Variants in EIF3A observed in about 807,000 individuals in gnomAD.
EIF3A encodes eukaryotic translation initiation factor 3 subunit A.
Under a neutral mutation model 186.6 loss-of-function variants are expected in EIF3A, and 21 were observed. That is an observed-to-expected ratio of 0.11 (90% CI 0.08 to 0.16). EIF3A has a LOEUF of 0.16. Ranked by LOEUF, EIF3A falls within the 10% of genes least tolerant of loss-of-function variation. The pLI is 1.00. For missense variants in EIF3A, 1,306 were observed against 1,796.3 expected (o/e 0.73, Z 4.93); for synonymous variants, 563 against 584.3 (o/e 0.96, Z 0.52).
intron 11 of EIF3A, 149 bp from the exon 12 acceptor site, chr10:119,058,452 T>C (rs1389519360): frequency 1.5e-6 from 1 of 653,368 alleles, no homozygotes; most frequent in African/African-American, 1.8e-5. Flanking sequence ...GCTGTTTGTT[T>C]TCGGTATTAA....
At chr10:119,055,849 C>T (rs1463371773) in intron 14 of EIF3A, among the ~76,000 whole-genome samples, 1 of 152,170 alleles carries the variant, frequency 6.6e-6, no homozygotes, top group African/African-American at 2.4e-5. Flanking sequence ...TGATATATGG[C>T]TATTTCTTTT....
intron 1 of EIF3A, among the ~76,000 whole-genome samples, chr10:119,077,662 C>G (rs1378990617): frequency 6.6e-6 from 1 of 151,442 alleles, no homozygotes; most frequent in Non-Finnish European, 1.5e-5. Context: ...TCATGCCATT[C>G]TCCTGCCTCA....
chr10:119,078,086 G>C (rs1844205453), intron 1 of EIF3A, among the ~76,000 whole-genome samples: 1 of 152,098 alleles, frequency 6.6e-6, no homozygotes, highest in Non-Finnish European at 1.5e-5. Context: ...CTTGATGTTT[G>C]CTAGTTTATT....
rs1233000613 is a variant in EIF3A at position 119,036,063 on chromosome 10, A to G, written c.4125T>C (p.Asp1375=). 8.1e-6 allele frequency: 13 copies of G among 1,613,998 alleles called. No homozygotes were observed. The highest frequency in any genetic ancestry group is 1.1e-5 in the Non-Finnish European group (13 of 1,179,838). Residue 1375 remains aspartate (D), a synonymous_variant, in exon 22 of 22, where the codon GAT becomes GAC. Transcript: ENST00000369144. ...CTTAACGTCGTACTGTGGTCCATCC[A>G]TCTTCATCAGTCTCATTTTTAGTAC... is the stretch of plus-strand genomic sequence containing the variant. ...LRRTKNETDE[D]GWTTVRR is the part of the protein sequence containing the mutation.
intron 8 of EIF3A, 25 bp downstream of exon 8, chr10:119,061,199 C>A: frequency 7.4e-7 from 1 of 1,351,732 alleles, no homozygotes; most frequent in Non-Finnish European, 1.0e-6. Flanking sequence ...GTGGTAACAA[C>A]CAGAACTTAA....
At chr10:119,075,879 ATTTTT>A (rs58100835) in intron 1 of EIF3A, among the ~76,000 whole-genome samples, 3 of 94,072 alleles carry the variant, frequency 3.2e-5, no homozygotes, top group Non-Finnish European at 6.0e-5. Context: ...CGCCTGGCTA[ATTTTT>A]TTTTTTTTTT....
intron 19 of EIF3A, among the ~76,000 whole-genome samples, chr10:119,038,646 G>T (rs576111000): frequency 9.2e-5 from 14 of 152,196 alleles, no homozygotes; most frequent in African/African-American, 3.4e-4. Context: ...AAAATGGGCC[G>T]GGCATGGTGG....
rs1224384623 is a variant in EIF3A at position 119,059,371 on chromosome 10, G to A, written c.1470C>T (p.Thr490=). The change falls in exon 11 of 22, where the codon ACC becomes ACT. Residue 490 remains threonine (T), a synonymous_variant. Coordinates refer to ENST00000369144, the MANE Select transcript of EIF3A (RefSeq NM_003750.4). ...AATTCAAATCAGATCCAAAACTCAGGGTCCGAGAAGTGTGATCAATACGAA... is the reference window on the plus strand; with the variant it reads ...AATTCAAATCAGATCCAAAACTCAGAGTCCGAGAAGTGTGATCAATACGAA... ...LQVRIDHTSR[T]LSFGSDLNYA... 6.2e-7 allele frequency: 1 copy of A among 1,600,570 alleles called. No individual in the cohort carries two copies.
intron 19 of EIF3A, among the ~76,000 whole-genome samples, chr10:119,041,676 G>A (rs1848210666): frequency 6.6e-6 from 1 of 152,186 alleles, no homozygotes; most frequent in Admixed American, 6.5e-5. Context: ...TTAAAAGGAG[G>A]CTGGTTCCCA....
chr10:119,045,293 TAAC>T (rs1848268674), intron 17 of EIF3A, among the ~76,000 whole-genome samples: 1 of 152,040 alleles, frequency 6.6e-6, no homozygotes, highest in Admixed American at 6.6e-5. Flanking sequence ...AACTCTAAAA[TAAC>T]AACTAGAGAT....
In EIF3A at chr10:119,034,576, T is replaced by C. The variant is rs1198884812; in HGVS notation, c.*1463A>G. 6.6e-6 allele frequency: 1 copy of C among 152,206 alleles called. No individual in the cohort carries two copies. The allele number at this position is 152,206 out of a possible 1,614,324, so 9.4% of individuals were successfully genotyped here. On this transcript the variant is annotated 3_prime_UTR_variant, in exon 22 of 22. Coordinates refer to ENST00000369144, the MANE Select transcript of EIF3A (RefSeq NM_003750.4). The stretch of plus-strand genomic sequence containing the variant: ...ACTAAGGTGTTTAAAATGATTTCTA[T>C]CATTGGTAACATCAAACAAAAATAG...
chr10:119,070,826 G>C, intron 5 of EIF3A, 60 bp downstream of exon 5: 2 of 1,196,630 alleles, frequency 1.7e-6, no homozygotes, highest in East Asian at 2.4e-5. Context: ...TTCATTAAGG[G>C]GGGAGAAAAG....
intron 19 of EIF3A, among the ~76,000 whole-genome samples, chr10:119,040,556 G>A (rs1053629194): frequency 6.6e-6 from 1 of 152,218 alleles, no homozygotes; most frequent in Non-Finnish European, 1.5e-5. Flanking sequence ...GCTGTCACCT[G>A]TGTGCAGTAC....
intron 6 of EIF3A, among the ~76,000 whole-genome samples, chr10:119,067,463 C>T (rs1463267217): frequency 6.6e-6 from 1 of 152,094 alleles, no homozygotes; most frequent in Non-Finnish European, 1.5e-5. Flanking sequence ...TGGTCGCGCT[C>T]GCCTGTAGTC....
Position 119,069,496 on chromosome 10 carries a change from G to A in EIF3A, c.900C>T (p.Tyr300=), listed in dbSNP as rs910001268. ...LFHASTLHRL[Y]HLSREMRKNL... ...TCTTTCTCATTTCTCTAGAGAGATG[G>A]TAAAGACGATGGAGTGTAGATGCAT... The change falls in exon 6 of 22, where the codon TAC becomes TAT. Residue 300 remains tyrosine, a synonymous_variant. Coordinates refer to ENST00000369144, the MANE Select transcript of EIF3A (RefSeq NM_003750.4). 6.3e-7 allele frequency: 1 copy of A among 1,583,718 alleles called. No individual in the cohort carries two copies. Among genetic ancestry groups the A allele is most frequent in the Non-Finnish European group, 8.7e-7 (1 of 1,152,182 alleles).
At chr10:119,050,716 G>C (rs778536794) in intron 15 of EIF3A, 42 bp from the exon 16 acceptor site, 7 of 1,608,700 alleles carry the variant, frequency 4.4e-6, no homozygotes, top group Non-Finnish European at 5.9e-6. Context: ...GGCACACTTT[G>C]TCAAGAGCAA....
intron 13 of EIF3A, 21 bp downstream of exon 13, chr10:119,056,915 T>C (rs1222834151): frequency 6.9e-6 from 11 of 1,583,212 alleles, no homozygotes; most frequent in African/African-American, 2.7e-5. Context: ...ATGTTAAAGG[T>C]TTACCAACCC....
chr10:119,054,683 C>T (rs141278982), intron 14 of EIF3A, among the ~76,000 whole-genome samples: 4 of 150,092 alleles, frequency 2.7e-5, no homozygotes, highest in South Asian at 2.1e-4. Flanking sequence ...GCTGAGATTG[C>T]GCCATTGCAC....
At chr10:119,065,750 T>C (rs1843962341) in intron 6 of EIF3A, among the ~76,000 whole-genome samples, 180 bp from the exon 7 acceptor site, 3 of 152,302 alleles carry the variant, frequency 2.0e-5, no homozygotes, top group African/African-American at 4.8e-5. Flanking sequence ...ATGGGCTGTG[T>C]TTAAACGAAT....
Sources: gnomAD v4.1 joint callset for allele counts (sites outside exome capture counted in the v4.1 genomes callset) on GRCh38, gnomAD v4.1.1 for gene constraint, MANE v1.5 for transcripts, NCBI Gene and HGNC (gene_info 2026-07-23, HGNC 2026-07-21) for gene names.